The following PTCHD4 variants were observed in gnomAD, a reference collection of about 807,000 sequenced individuals.
PTCHD4 encodes patched domain-containing protein 4.
In PTCHD4, 33 loss-of-function variants were observed where a neutral mutation model predicts 58.1. The observed-to-expected ratio is 0.57, with a 90% confidence interval of 0.43 to 0.76. The LOEUF (loss-of-function observed/expected upper bound fraction) is 0.76, where lower values mean the gene tolerates loss of function less well. PTCHD4 is among the 30% of genes least tolerant of loss of function. The probability of loss-of-function intolerance (pLI) is 0.00; values close to 1 mark genes in which losing one functional copy is unlikely to be tolerated. For missense variants in PTCHD4, 1,058 were observed against 1,027.1 expected, an observed-to-expected ratio of 1.03 and a Z score of -0.41; for synonymous variants, 478 against 409.6, an observed-to-expected ratio of 1.17 and a Z score of -2.02.
In PTCHD4 at chr6:47,980,476, A is replaced by G. The variant is rs146447014; in HGVS notation, c.898+28158T>C. ...ATGTAAAACCTTGAAAATTCCCTCT[A>G]TCCTTCCATAGATTTTCAAAGAAAT... On this transcript the variant is annotated intron_variant, in intron 4 of 4. Coordinates refer to ENST00000339488, the MANE Select transcript of PTCHD4 (RefSeq NM_001384253.1). Among the ~76,000 whole-genome samples the G allele has an allele frequency of 6.1e-3, 932 of 152,078 alleles. 4 individuals carry two copies. Among genetic ancestry groups the G allele is most frequent in the Middle Eastern group, 0.01 (3 of 292 alleles).
In PTCHD4 at chr6:48,057,383, C is replaced by G. The variant is rs374743102; in HGVS notation, c.417+10847G>C. On this transcript the variant is annotated intron_variant, in intron 3 of 4. Transcript: ENST00000339488. ...CTTCAAGGACTTGCCCTGCAGATTT[C>G]CTTGCTGGTTATATCCTCCCAGGCA... Among the ~76,000 whole-genome samples, 7 of 152,246 alleles carry G rather than the reference C, an allele frequency of 4.6e-5. No homozygotes were observed. The South Asian group carries it at 6.2e-4, about 14-fold the overall frequency.
At chr6:47,917,549 C>G (rs1441135782) in intron 4 of PTCHD4, among the ~76,000 whole-genome samples, 1 of 152,096 alleles carries the variant, frequency 6.6e-6, no homozygotes, top group African/African-American at 2.4e-5. Flanking sequence ...TCCCATAACC[C>G]TTTTAGTTCA....
At chr6:48,034,016 C>T (rs1052591678) in intron 3 of PTCHD4, among the ~76,000 whole-genome samples, 1 of 152,048 alleles carries the variant, frequency 6.6e-6, no homozygotes, top group African/African-American at 2.4e-5. Context: ...CAATCTGTTA[C>T]CTTGGAAAGC....
In PTCHD4 at chr6:47,870,131, A is replaced by C. The variant is rs1354831889; in HGVS notation, c.*8172T>G. ...ATGGAACTAGATTTCTTTTGTTGTT[A>C]AAATAAAAAGTTGAGATAGCCAGAA... is the stretch of plus-strand genomic sequence containing the variant. On this transcript the variant is annotated 3_prime_UTR_variant, in exon 5 of 5. Transcript: ENST00000339488. 6.6e-6 allele frequency among the ~76,000 whole-genome samples: 1 copy of C among 151,692 alleles called. No individual in the cohort carries two copies. Among genetic ancestry groups the C allele is most frequent in the Non-Finnish European group, 1.5e-5 (1 of 67,748 alleles).
chr6:47,940,416 A>T (rs1766169160), intron 4 of PTCHD4, among the ~76,000 whole-genome samples: 1 of 152,168 alleles, frequency 6.6e-6, no homozygotes, highest in Admixed American at 6.6e-5. Flanking sequence ...TCCTAAAAAA[A>T]TTATTTAAAA....
chr6:48,091,817 T>G (rs1327577675), intron 1 of PTCHD4, among the ~76,000 whole-genome samples: 3 of 151,960 alleles, frequency 2.0e-5, no homozygotes, highest in African/African-American at 7.3e-5. Context: ...AGCTAATTTT[T>G]TTTTGTATTT....
intron 1 of PTCHD4, among the ~76,000 whole-genome samples, chr6:48,095,750 A>T (rs1412091168): frequency 6.7e-6 from 1 of 150,302 alleles, no homozygotes; most frequent in African/African-American, 2.5e-5. Flanking sequence ...AAAAAAAACA[A>T]ATATAACTGT....
intron 4 of PTCHD4, among the ~76,000 whole-genome samples, chr6:47,976,584 G>A (rs527720812): frequency 6.6e-6 from 1 of 151,926 alleles, no homozygotes; most frequent in African/African-American, 2.4e-5. Context: ...AACCTGGGAG[G>A]CAGAGGTTGA....
At chr6:48,085,811 G>A (rs1408778334) in intron 1 of PTCHD4, among the ~76,000 whole-genome samples, 2 of 152,014 alleles carry the variant, frequency 1.3e-5, no homozygotes, top group African/African-American at 4.8e-5. Flanking sequence ...ATTTTTTTCA[G>A]ATTGCTGTTT....
intron 4 of PTCHD4, among the ~76,000 whole-genome samples, chr6:48,002,521 A>G (rs1768771373): frequency 6.6e-6 from 1 of 151,772 alleles, no homozygotes; most frequent in South Asian, 2.1e-4. Context: ...AAAAAACCAT[A>G]CACCGCATGT....
In PTCHD4 at chr6:48,070,155, G is replaced by GTA. The variant is rs910679496; in HGVS notation, c.-969-231_-969-230dup. On this transcript the variant is annotated intron_variant, in intron 1 of 4. Coordinates refer to ENST00000339488, the MANE Select transcript of PTCHD4 (RefSeq NM_001384253.1). ...TGTGTGTGTGTGTGTGTGTGTGTGT[G>GTA]TATATATATATATGAATTTTTTAGG... 9.9e-3 allele frequency among the ~76,000 whole-genome samples: 994 copies of GTA among 100,284 alleles called. 7 individuals carry two copies. Among genetic ancestry groups the GTA allele is most frequent in the African/African-American group, 0.024 (609 of 25,858 alleles). The allele number at this position is 100,284 out of a possible 152,430, so 65.8% of individuals were successfully genotyped here.
At chr6:48,003,847 C>T (rs943800004) in intron 4 of PTCHD4, among the ~76,000 whole-genome samples, 4 of 152,150 alleles carry the variant, frequency 2.6e-5, no homozygotes, top group African/African-American at 9.7e-5. Flanking sequence ...CTTCGCCAAG[C>T]AAGGTCCTAT....
At position 47,862,255 on chromosome 6, in the gene PTCHD4, C is replaced by G. The variant is rs1346615924; in HGVS notation, c.*16048G>C. Among the ~76,000 whole-genome samples, 2 of 148,782 alleles carry G rather than the reference C, an allele frequency of 1.3e-5. No individual in the cohort carries two copies. Among genetic ancestry groups the G allele is most frequent in the Non-Finnish European group, 3.0e-5 (2 of 67,172 alleles). On this transcript the variant is annotated 3_prime_UTR_variant, in exon 5 of 5. Coordinates refer to ENST00000339488, the MANE Select transcript of PTCHD4 (RefSeq NM_001384253.1). ...TGCATTATGGCTTTTTTTTTAATATCTTGGGTCTGGCGTATATCATAGTTT... is the reference window on the plus strand; with the variant it reads ...TGCATTATGGCTTTTTTTTTAATATGTTGGGTCTGGCGTATATCATAGTTT...
In PTCHD4 at chr6:47,991,362, C is replaced by G. The variant is rs1282455674; in HGVS notation, c.898+17272G>C. On this transcript the variant is annotated intron_variant, in intron 4 of 4. Coordinates refer to ENST00000339488, the MANE Select transcript of PTCHD4 (RefSeq NM_001384253.1). ...TCAATATAATAAAGGAATTTTGTAC[C>G]CAGTAAAAACAGCTTTCAATATAAG... Among the ~76,000 whole-genome samples, 3 of 151,670 alleles carry G rather than the reference C, an allele frequency of 2.0e-5. No individual in the cohort carries two copies. The East Asian group carries it at 5.8e-4, about 29-fold the overall frequency.
intron 4 of PTCHD4, among the ~76,000 whole-genome samples, chr6:48,000,961 A>G (rs1336651311): frequency 1.3e-5 from 2 of 152,182 alleles, no homozygotes; most frequent in African/African-American, 4.8e-5. Context: ...TACACCAACA[A>G]CAGACAAACA....
intron 4 of PTCHD4, among the ~76,000 whole-genome samples, chr6:47,912,287 A>T (rs920959626): frequency 8.1e-6 from 1 of 123,422 alleles, no homozygotes; most frequent in African/African-American, 3.0e-5. Context: ...CCCATCCCCC[A>T]CCAAACCCCA....
At chr6:47,931,223 G>C (rs963860346) in intron 4 of PTCHD4, among the ~76,000 whole-genome samples, 4 of 152,238 alleles carry the variant, frequency 2.6e-5, no homozygotes, top group Non-Finnish European at 5.9e-5. Flanking sequence ...ACGAACAGGA[G>C]GGGGCTGCAG....
intron 4 of PTCHD4, among the ~76,000 whole-genome samples, chr6:47,888,354 C>G (rs1259711392): frequency 6.6e-6 from 1 of 150,832 alleles, no homozygotes. Flanking sequence ...GAGACTCAGT[C>G]CCCAAAAAAA....
intron 4 of PTCHD4, among the ~76,000 whole-genome samples, chr6:47,932,389 G>GA (rs984144996): frequency 3.9e-5 from 6 of 152,100 alleles, no homozygotes; most frequent in African/African-American, 1.4e-4. Flanking sequence ...GCTAGAGGTG[G>GA]AAAAAAATTA....
Sources: allele counts gnomAD v4.1 joint callset (sites outside exome capture counted in the v4.1 genomes callset), GRCh38; gene constraint gnomAD v4.1.1; transcripts MANE v1.5; gene names NCBI Gene and HGNC (gene_info 2026-07-23, HGNC 2026-07-21).